Variants in MAP4K3 observed in about 807,000 individuals in gnomAD.
MAP4K3 encodes mitogen-activated protein kinase kinase kinase kinase 3.
A neutral mutation model predicts 143.5 loss-of-function variants in MAP4K3; 94 were observed. The observed-to-expected ratio is 0.65, with a 90% confidence interval of 0.55 to 0.78. The LOEUF is 0.78. Among genes scored for constraint, MAP4K3 ranks in the 30% least tolerant of loss-of-function variants. The pLI is 0.00. For missense variants in MAP4K3, 1,077 were observed against 1,068.1 expected (o/e 1.01, Z -0.12); for synonymous variants, 416 against 347.2 (o/e 1.20, Z -2.20).
intron 3 of MAP4K3, among the ~76,000 whole-genome samples, chr2:39,345,560 A>G (rs1257164041): frequency 6.6e-6 from 1 of 152,184 alleles, no homozygotes; most frequent in Admixed American, 6.5e-5. Flanking sequence ...ACAAGCTATC[A>G]GAGCGCAAAG....
intron 24 of MAP4K3, among the ~76,000 whole-genome samples, chr2:39,274,727 T>G (rs1317378920): frequency 6.6e-6 from 1 of 152,240 alleles, no homozygotes; most frequent in Admixed American, 6.5e-5. Flanking sequence ...TTACTGAATC[T>G]CTGTCTCAGT....
At chr2:39,436,248 A>C (rs1665470648) in intron 1 of MAP4K3, among the ~76,000 whole-genome samples, 1 of 152,070 alleles carries the variant, frequency 6.6e-6, no homozygotes, top group Admixed American at 6.5e-5. Context: ...TATTCAAGTC[A>C]CTTTTTAAAA....
chr2:39,254,701 T>G (rs533829901), intron 31 of MAP4K3, among the ~76,000 whole-genome samples, 181 bp from the exon 32 acceptor site: 4 of 152,240 alleles, frequency 2.6e-5, no homozygotes, highest in Admixed American at 1.3e-4. Flanking sequence ...AGCTTATGCA[T>G]CTTTTTGGTA....
At chr2:39,290,589 T>C (rs186808396) in intron 18 of MAP4K3, among the ~76,000 whole-genome samples, 42 of 152,110 alleles carry the variant, frequency 2.8e-4, no homozygotes, top group Admixed American at 2.6e-3. Context: ...CTTACTCATG[T>C]GGAAGCTAAA....
chr2:39,337,657 T>A, intron 4 of MAP4K3, 76 bp from the exon 5 acceptor site: 1 of 969,178 alleles, frequency 1.0e-6, no homozygotes, highest in African/African-American at 1.6e-5. Flanking sequence ...TTTTACAAGT[T>A]TAAGCAACAG....
chr2:39,365,303 C>T (rs1420571611), intron 2 of MAP4K3, among the ~76,000 whole-genome samples: 1 of 152,022 alleles, frequency 6.6e-6, no homozygotes, highest in Non-Finnish European at 1.5e-5. Flanking sequence ...GTCGGAGTCT[C>T]ATTATGATGG....
chr2:39,282,125 G>A (rs770674951), intron 22 of MAP4K3, among the ~76,000 whole-genome samples: 26 of 151,682 alleles, frequency 1.7e-4, no homozygotes, highest in Non-Finnish European at 3.4e-4. Flanking sequence ...AACCTGGGAG[G>A]TGGAGCTTGC....
chr2:39,357,611 G>A (rs1234843545), intron 2 of MAP4K3, among the ~76,000 whole-genome samples: 1 of 152,154 alleles, frequency 6.6e-6, no homozygotes, highest in Non-Finnish European at 1.5e-5. Flanking sequence ...GCGTTGATAT[G>A]AGCACAAAAT....
intron 4 of MAP4K3, among the ~76,000 whole-genome samples, chr2:39,339,782 T>C (rs1199080799): frequency 2.0e-5 from 3 of 151,824 alleles, no homozygotes; most frequent in Admixed American, 6.6e-5. Flanking sequence ...TTGGAAACAA[T>C]GAGGTCACCA....
intron 24 of MAP4K3, among the ~76,000 whole-genome samples, chr2:39,273,948 T>C (rs183785613): frequency 3.3e-5 from 5 of 152,278 alleles, no homozygotes; most frequent in Non-Finnish European, 7.4e-5. Flanking sequence ...GTTATCAAAG[T>C]AGCAAGATAC....
chr2:39,287,056 T>G (rs1681812729), intron 20 of MAP4K3, 92 bp from the exon 21 acceptor site: 1 of 675,068 alleles, frequency 1.5e-6, no homozygotes, highest in South Asian at 2.2e-5. Context: ...ATATTAACTC[T>G]GACATAGTGT....
chr2:39,301,820 C>CAT (rs1682522211), intron 15 of MAP4K3, among the ~76,000 whole-genome samples: 1 of 152,078 alleles, frequency 6.6e-6, no homozygotes, highest in Non-Finnish European at 1.5e-5. Flanking sequence ...GTCAGGAGGT[C>CAT]GAGATCATCC....
intron 14 of MAP4K3, among the ~76,000 whole-genome samples, chr2:39,308,265 C>T (rs981199884): frequency 6.6e-6 from 1 of 152,182 alleles, no homozygotes; most frequent in Non-Finnish European, 1.5e-5. Flanking sequence ...TAAACTCAAA[C>T]TGCCTTAACA....
At chr2:39,275,401 G>A (rs1008572697) in intron 24 of MAP4K3, among the ~76,000 whole-genome samples, 1 of 152,146 alleles carries the variant, frequency 6.6e-6, no homozygotes, top group Admixed American at 6.5e-5. Flanking sequence ...TGGGTCACTT[G>A]AGCCCAGGAG....
At chr2:39,378,237 A>G (rs1017475847) in intron 1 of MAP4K3, 114 bp from the exon 2 acceptor site, 9 of 602,216 alleles carry the variant, frequency 1.5e-5, no homozygotes, top group Non-Finnish European at 2.6e-5. Context: ...AAAGAAATGC[A>G]AATGTAATTT....
intron 12 of MAP4K3, among the ~76,000 whole-genome samples, chr2:39,317,872 C>A (rs1683169210): frequency 6.6e-6 from 1 of 152,066 alleles, no homozygotes; most frequent in African/African-American, 2.4e-5. Context: ...CTTAGAACAA[C>A]CATTCAACCA....
In MAP4K3 at chr2:39,437,104, C is replaced by G. The variant is rs1304695723; in HGVS notation, c.-117G>C. ...CCGGCTCCCCCGGCGGTCACAATCA[C>G]CCGGCTCCACGCTGCGGCCGCCGCC... On this transcript the variant is annotated 5_prime_UTR_variant, in exon 1 of 34. Transcript: ENST00000263881. The G allele has an allele frequency of 1.8e-5, 12 of 652,722 alleles. No individual in the cohort carries two copies. The highest frequency in any genetic ancestry group is 1.3e-4 in the Admixed American group (3 of 23,906). The allele number at this position is 652,722 out of a possible 1,614,324, so 40.4% of individuals were successfully genotyped here. A position where few individuals can be genotyped will look rare whatever the true frequency, so the allele number is the denominator to read the frequency against.
chr2:39,254,792 C>A (rs1680284764), intron 31 of MAP4K3, among the ~76,000 whole-genome samples: 1 of 152,084 alleles, frequency 6.6e-6, no homozygotes, highest in Non-Finnish European at 1.5e-5. Flanking sequence ...GTTGGCCAGG[C>A]TAGTCTCAAA....
chr2:39,337,739 G>T (rs1326880871), intron 4 of MAP4K3, among the ~76,000 whole-genome samples, 158 bp from the exon 5 acceptor site: 1 of 144,368 alleles, frequency 6.9e-6, no homozygotes, highest in East Asian at 2.0e-4. Context: ...CTGTCCTACT[G>T]TGCCTGGCTC....
Sources: gnomAD v4.1 joint callset for allele counts (sites outside exome capture counted in the v4.1 genomes callset) on GRCh38, gnomAD v4.1.1 for gene constraint, MANE v1.5 for transcripts, NCBI Gene and HGNC (gene_info 2026-07-23, HGNC 2026-07-21) for gene names.